The following RANBP2 variants were observed in gnomAD, a reference collection of about 807,000 sequenced individuals.
RANBP2 encodes RAN binding protein 2.
A neutral mutation model predicts 303.6 loss-of-function variants in RANBP2; 57 were observed. The ratio of observed to expected loss-of-function variants is 0.19; its 90% CI spans 0.15 to 0.23. The LOEUF is 0.23. RANBP2 is among the 10% of genes least tolerant of loss of function. RANBP2 has a pLI of 1.00. For synonymous variants in RANBP2, 1,167 were observed against 1,301.5 expected (o/e 0.90, Z 2.23); for missense variants, 3,138 against 3,780.8 (o/e 0.83, Z 4.46).
At chr2:108,903,205 G>A in the RANBP2 span, among the ~76,000 whole-genome samples, 31 of 152,016 alleles carry the variant, frequency 2.0e-4, no homozygotes, top group South Asian at 6.2e-4. Context: ...CTTGTATTTC[G>A]GAAGCTACAC....
intron 28 of RANBP2, among the ~76,000 whole-genome samples, chr2:108,783,200 G>A (rs1428828603): frequency 6.6e-6 from 1 of 151,584 alleles, no homozygotes; most frequent in African/African-American, 2.4e-5. Flanking sequence ...AATTAGCCAG[G>A]TGTGGTGGTG....
At chr2:109,162,786 C>G in the RANBP2 span, among the ~76,000 whole-genome samples, 7 of 152,264 alleles carry the variant, frequency 4.6e-5, no homozygotes, top group African/African-American at 1.7e-4. Context: ...GTTCTAGATC[C>G]CCGAGGAATC....
chr2:108,973,196 C>T, the RANBP2 span, among the ~76,000 whole-genome samples: 1 of 152,180 alleles, frequency 6.6e-6, no homozygotes, highest in African/African-American at 2.4e-5. Flanking sequence ...CCATGTTGGC[C>T]AGGCTGGTGT....
At chr2:109,680,463 T>C in the RANBP2 span, among the ~76,000 whole-genome samples, 1 of 151,878 alleles carries the variant, frequency 6.6e-6, no homozygotes, top group Non-Finnish European at 1.5e-5. Flanking sequence ...AAAAAATAAT[T>C]AAGCTGGAAA....
chr2:109,018,513 G>A, the RANBP2 span, among the ~76,000 whole-genome samples: 54 of 152,216 alleles, frequency 3.5e-4, no homozygotes, highest in South Asian at 1.0e-3. Flanking sequence ...GAGGCTCCCC[G>A]TTGCCTGTAC....
the RANBP2 span, among the ~76,000 whole-genome samples, chr2:109,046,294 ACT>A: frequency 6.9e-6 from 1 of 143,920 alleles, no homozygotes; most frequent in African/African-American, 2.6e-5. Context: ...ACAGTGCAAG[ACT>A]CTGTCTAAAA....
the RANBP2 span, among the ~76,000 whole-genome samples, chr2:108,977,546 A>G: frequency 6.6e-6 from 1 of 152,168 alleles, no homozygotes; most frequent in African/African-American, 2.4e-5. Context: ...CTGGGATTAC[A>G]GGCGTGAGCC....
the RANBP2 span, among the ~76,000 whole-genome samples, chr2:109,198,030 A>G: frequency 6.6e-6 from 1 of 152,150 alleles, no homozygotes; most frequent in Non-Finnish European, 1.5e-5. Flanking sequence ...GCAGGTTTCC[A>G]GCAGAGTTGT....
chr2:109,023,748 G>A, the RANBP2 span, among the ~76,000 whole-genome samples: 1 of 152,142 alleles, frequency 6.6e-6, no homozygotes. Flanking sequence ...GTTTGGGGCT[G>A]CAGTGAGCCT....
the RANBP2 span, among the ~76,000 whole-genome samples, chr2:109,135,254 G>C: frequency 6.6e-6 from 1 of 152,206 alleles, no homozygotes; most frequent in Non-Finnish European, 1.5e-5. Flanking sequence ...GCTGGTGTCT[G>C]AAGCCCACAC....
At chr2:109,640,280 C>T in the RANBP2 span, among the ~76,000 whole-genome samples, 4 of 151,836 alleles carry the variant, frequency 2.6e-5, no homozygotes, top group Non-Finnish European at 5.9e-5. Flanking sequence ...GGCGAAATCC[C>T]GTCTCTACTA....
the RANBP2 span, among the ~76,000 whole-genome samples, chr2:108,927,990 G>A: frequency 5.9e-5 from 9 of 151,952 alleles, no homozygotes; most frequent in East Asian, 1.6e-3. Flanking sequence ...CTCCACCCCC[G>A]GTGCCTCTGC....
chr2:109,249,513 C>CTTTCTTTCTTTCTTTCTT, the RANBP2 span, among the ~76,000 whole-genome samples: 3 of 43,622 alleles, frequency 6.9e-5, no homozygotes, highest in African/African-American at 3.0e-4. Flanking sequence ...TTCTTTCATT[C>CTTTCTTTCTTTCTTTCTT]TTTCTTTTTC....
the RANBP2 span, among the ~76,000 whole-genome samples, chr2:109,640,406 C>T: frequency 3.9e-5 from 6 of 152,130 alleles, no homozygotes; most frequent in Admixed American, 1.3e-4. Flanking sequence ...GAGCCAAGAT[C>T]GTGCCACTGC....
chr2:109,133,312 C>T, the RANBP2 span, among the ~76,000 whole-genome samples: 1 of 152,220 alleles, frequency 6.6e-6, no homozygotes. Context: ...TATATGTTCA[C>T]ATTGGATCCG....
chr2:109,329,202 T>C, the RANBP2 span, among the ~76,000 whole-genome samples: 1 of 152,214 alleles, frequency 6.6e-6, no homozygotes, highest in Non-Finnish European at 1.5e-5. Context: ...CTCAGCCTTC[T>C]CCTGGTTTTC....
chr2:109,123,236 C>T, the RANBP2 span, among the ~76,000 whole-genome samples: 1 of 152,150 alleles, frequency 6.6e-6, no homozygotes, highest in Non-Finnish European at 1.5e-5. Flanking sequence ...AGACAGGTGC[C>T]CTGAGCTCTC....
the RANBP2 span, among the ~76,000 whole-genome samples, chr2:109,685,973 A>C: frequency 6.6e-6 from 1 of 152,228 alleles, no homozygotes; most frequent in East Asian, 1.9e-4. Flanking sequence ...GGTGTTTAAA[A>C]ATGCCTGGAA....
At chr2:108,911,749 A>T in the RANBP2 span, among the ~76,000 whole-genome samples, 3 of 152,026 alleles carry the variant, frequency 2.0e-5, no homozygotes, top group African/African-American at 7.3e-5. Flanking sequence ...TAAGATCCAG[A>T]TTTGCCACCA....
Sources: gnomAD v4.1 joint callset for allele counts (sites outside exome capture counted in the v4.1 genomes callset) on GRCh38, gnomAD v4.1.1 for gene constraint, MANE v1.5 for transcripts, NCBI Gene and HGNC (gene_info 2026-07-23, HGNC 2026-07-21) for gene names.